Variants in ANTXR1 observed in about 807,000 individuals in gnomAD.
ANTXR1 encodes the protein ANTXR cell adhesion molecule 1.
In ANTXR1, 19 loss-of-function variants were observed where a neutral mutation model predicts 78.1. That is an observed-to-expected ratio of 0.24 (90% CI 0.17 to 0.36). The LOEUF (loss-of-function observed/expected upper bound fraction) is 0.36, where lower values mean the gene tolerates loss of function less well. Ranked by LOEUF, ANTXR1 falls within the 10% of genes least tolerant of loss-of-function variation. The pLI is 1.00. For missense variants in ANTXR1, 518 were observed against 718.6 expected (o/e 0.72, Z 3.19); for synonymous variants, 273 against 260.5 (o/e 1.05, Z -0.46).
chr2:69,047,204 C>T (rs1473591132), intron 3 of ANTXR1, among the ~76,000 whole-genome samples: 8 of 151,998 alleles, frequency 5.3e-5, no homozygotes, highest in Non-Finnish European at 8.8e-5. Context: ...CTGCCTATAC[C>T]AAGGAATGAC....
chr2:69,238,662 T>C (rs1407420465), intron 17 of ANTXR1, among the ~76,000 whole-genome samples: 1 of 152,206 alleles, frequency 6.6e-6, no homozygotes, highest in Non-Finnish European at 1.5e-5. Flanking sequence ...GGAAACCTAA[T>C]TCATTAGTAA....
intron 1 of ANTXR1, among the ~76,000 whole-genome samples, chr2:69,031,761 T>G (rs2104031980): frequency 6.6e-6 from 1 of 152,336 alleles, no homozygotes; most frequent in South Asian, 2.1e-4. Flanking sequence ...GCTAAAGGAA[T>G]TTAGAAAATC....
At chr2:69,099,500 A>C (rs1037878445) in intron 9 of ANTXR1, among the ~76,000 whole-genome samples, 5 of 152,194 alleles carry the variant, frequency 3.3e-5, no homozygotes, top group African/African-American at 1.2e-4. Flanking sequence ...ACTGTGTTTA[A>C]CTTTGTAGAA....
intron 17 of ANTXR1, among the ~76,000 whole-genome samples, chr2:69,213,577 G>C (rs1265628738): frequency 6.6e-6 from 1 of 152,238 alleles, no homozygotes; most frequent in Non-Finnish European, 1.5e-5. Context: ...AAGCTGTCAT[G>C]CCAGTTCTGT....
chr2:69,244,436 A>G (rs988607013), intron 17 of ANTXR1, among the ~76,000 whole-genome samples: 2 of 152,232 alleles, frequency 1.3e-5, no homozygotes, highest in African/African-American at 4.8e-5. Flanking sequence ...TCCCACAGCC[A>G]GAACAAGGGC....
At chr2:69,044,861 A>C in intron 3 of ANTXR1, 48 bp downstream of exon 3, 1 of 1,574,304 alleles carries the variant, frequency 6.4e-7, no homozygotes, top group South Asian at 1.1e-5. Context: ...TCACTTCCTG[A>C]GTAGCCCTGA....
chr2:69,235,555 G>A (rs1202785549), intron 17 of ANTXR1, among the ~76,000 whole-genome samples: 1 of 151,104 alleles, frequency 6.6e-6, no homozygotes, highest in East Asian at 2.0e-4. Context: ...GGGAGGCTGA[G>A]GTGGGAGGAT....
chr2:69,018,705 A>G (rs1671097924), intron 1 of ANTXR1, among the ~76,000 whole-genome samples: 1 of 152,182 alleles, frequency 6.6e-6, no homozygotes. Context: ...CTAGGATTAG[A>G]TCACGACAGA....
At chr2:69,039,637 A>G (rs1340371715) in intron 1 of ANTXR1, among the ~76,000 whole-genome samples, 2 of 152,192 alleles carry the variant, frequency 1.3e-5, no homozygotes, top group Non-Finnish European at 2.9e-5. Flanking sequence ...GGATGTGTTT[A>G]TCGTGTGTGC....
intron 17 of ANTXR1, among the ~76,000 whole-genome samples, chr2:69,199,383 G>A (rs7572736): frequency 0.58 from 88,222 of 151,896 alleles, 26,067 homozygotes; most frequent in East Asian, 0.9. Context: ...TGGGGTCCTA[G>A]GCAATATTTC....
chr2:69,155,227 C>T (rs1435240727), intron 13 of ANTXR1, among the ~76,000 whole-genome samples: 2 of 152,194 alleles, frequency 1.3e-5, no homozygotes, highest in Non-Finnish European at 2.9e-5. Context: ...AGAGAGAAAA[C>T]TGACCATATC....
At chr2:69,226,762 G>A (rs77191448) in intron 17 of ANTXR1, among the ~76,000 whole-genome samples, 6,841 of 152,186 alleles carry the variant, frequency 0.045, 490 homozygotes, top group African/African-American at 0.15. Context: ...GGTAATTAGC[G>A]ACATTCTTTA....
intron 1 of ANTXR1, among the ~76,000 whole-genome samples, chr2:69,026,955 A>G (rs1473891631): frequency 6.6e-6 from 1 of 152,208 alleles, no homozygotes; most frequent in African/African-American, 2.4e-5. Flanking sequence ...AATTCACTAG[A>G]AATAAAGCAG....
intron 9 of ANTXR1, among the ~76,000 whole-genome samples, chr2:69,091,318 A>G (rs552051796): frequency 6.6e-5 from 10 of 151,652 alleles, no homozygotes; most frequent in African/African-American, 2.4e-4. Flanking sequence ...GCGCTTGCCT[A>G]TAATCCCAGC....
rs1428572167 is a variant in ANTXR1, at chr2:69,175,330, C to T, written c.1089+5041C>T. Among the ~76,000 whole-genome samples the T allele has an allele frequency of 2.6e-5, 4 of 152,138 alleles. No individual in the cohort carries two copies. In the East Asian group the frequency reaches 7.7e-4, roughly 29 times the overall value. On this transcript the variant is annotated intron_variant, in intron 14 of 17. Transcript: ENST00000303714. ...TGAAGCTTTAGAATATATCTGGGAG[C>T]TTGGTATGGTGACTCACTCCTGTAA...
At chr2:69,066,622 C>T (rs922804984) in intron 3 of ANTXR1, among the ~76,000 whole-genome samples, 2 of 152,192 alleles carry the variant, frequency 1.3e-5, no homozygotes, top group Non-Finnish European at 2.9e-5. Flanking sequence ...GTGACTGATT[C>T]TCCCCACCTT....
chr2:69,196,149 G>A (rs1674664195), intron 17 of ANTXR1, among the ~76,000 whole-genome samples: 1 of 152,208 alleles, frequency 6.6e-6, no homozygotes, highest in Admixed American at 6.5e-5. Context: ...CTGAATGAAA[G>A]TTTGTATTAA....
chr2:69,197,761 G>A (rs1674697340), intron 17 of ANTXR1, among the ~76,000 whole-genome samples: 1 of 152,130 alleles, frequency 6.6e-6, no homozygotes, highest in African/African-American at 2.4e-5. Context: ...TGCACAGCTT[G>A]GCCACTCTTT....
chr2:69,124,494 T>G, intron 11 of ANTXR1, 71 bp from the exon 12 acceptor site: 1 of 1,344,732 alleles, frequency 7.4e-7, no homozygotes, highest in Non-Finnish European at 1.1e-6. Context: ...AGGAGTCCTG[T>G]GTGTCTGGCT....
Sources: allele counts gnomAD v4.1 joint callset (sites outside exome capture counted in the v4.1 genomes callset), GRCh38; gene constraint gnomAD v4.1.1; transcripts MANE v1.5; gene names NCBI Gene and HGNC (gene_info 2026-07-23, HGNC 2026-07-21).